The following MGRN1 variants were observed in gnomAD, a reference collection of about 807,000 sequenced individuals.
MGRN1 encodes the protein mahogunin ring finger 1.
A neutral mutation model predicts 69.2 loss-of-function variants in MGRN1; 29 were observed. That is an observed-to-expected ratio of 0.42 (90% confidence interval 0.31 to 0.57). The LOEUF (loss-of-function observed/expected upper bound fraction) is 0.57, where lower values mean the gene tolerates loss of function less well. MGRN1 is among the 20% of genes least tolerant of loss of function. The pLI, the probability that MGRN1 is intolerant of heterozygous loss-of-function variation, is 0.15. For synonymous variants in MGRN1, 470 were observed against 344.2 expected (o/e 1.37, Z -4.04); for missense variants, 998 against 796.2 (o/e 1.25, Z -3.05).
chr16:4,646,868 A>T (rs924830800), intron 1 of MGRN1, among the ~76,000 whole-genome samples: 6 of 152,182 alleles, frequency 3.9e-5, no homozygotes, highest in African/African-American at 1.4e-4. Flanking sequence ...CTTCTGGACC[A>T]GGGACCTGTC....
intron 1 of MGRN1, among the ~76,000 whole-genome samples, chr16:4,643,985 T>TG (rs2078219134): frequency 2.0e-5 from 3 of 151,836 alleles, no homozygotes; most frequent in African/African-American, 7.3e-5. Flanking sequence ...TTTGTTTGTT[T>TG]TTTTTGAGAT....
At chr16:4,647,452 T>C (rs2078297833) in intron 1 of MGRN1, among the ~76,000 whole-genome samples, 1 of 152,244 alleles carries the variant, frequency 6.6e-6, no homozygotes, top group Non-Finnish European at 1.5e-5. Context: ...CTCACTGTAC[T>C]GCAGGTGTTC....
At chr16:4,665,800 C>T (rs986112426) in intron 7 of MGRN1, among the ~76,000 whole-genome samples, 4 of 151,626 alleles carry the variant, frequency 2.6e-5, no homozygotes, top group African/African-American at 9.7e-5. Flanking sequence ...CTCCAAGTAC[C>T]TGGGATTACA....
At chr16:4,684,214 C>T (rs566248292) in intron 16 of MGRN1, among the ~76,000 whole-genome samples, 3 of 152,364 alleles carry the variant, frequency 2.0e-5, no homozygotes, top group South Asian at 2.1e-4. Flanking sequence ...AGGTGAGAGA[C>T]GCGAGAGAGG....
At chr16:4,640,588 G>A (rs2078136380) in intron 1 of MGRN1, 1 of 152,356 alleles carries the variant, frequency 6.6e-6, no homozygotes, top group Non-Finnish European at 1.5e-5. Flanking sequence ...TTCGAGGACT[G>A]CCCTGAGGCC....
chr16:4,683,134 T>G (rs2079226764), intron 14 of MGRN1, 90 bp from the exon 15 acceptor site: 2 of 1,563,018 alleles, frequency 1.3e-6, no homozygotes, highest in Non-Finnish European at 1.8e-6. Flanking sequence ...GGCTGTGCGG[T>G]CCCGGGAGGG....
intron 16 of MGRN1, among the ~76,000 whole-genome samples, chr16:4,685,147 A>G (rs1259714155): frequency 6.6e-6 from 1 of 152,246 alleles, no homozygotes; most frequent in Non-Finnish European, 1.5e-5. Flanking sequence ...TTAAAGTGAC[A>G]CAGAATTCGA....
chr16:4,688,374 C>T (rs896238996), intron 16 of MGRN1: 3 of 1,000,832 alleles, frequency 3.0e-6, no homozygotes, highest in South Asian at 4.6e-5. Context: ...TGTTCTCACC[C>T]AGGGCCGCTC....
Position 4,682,919 on chromosome 16 carries a change from G to C in MGRN1, c.1455G>C (p.Leu485=). 1 of 1,600,042 alleles carries C rather than the reference G, an allele frequency of 6.2e-7. No homozygotes were observed. The highest frequency in any genetic ancestry group is 1.1e-5 in the South Asian group (1 of 90,140). ...CTCCCCCACTGGGTGGCGCAGAGCT[G>C]GCCCTGCGGGAAAGCAGCTCCCCTG... ...DAPPPLGGAE[L]ALRESSSPES... is the part of the protein sequence containing the mutation. The change falls in exon 14 of 17, where the codon CTG becomes CTC. Residue 485 remains leucine, a synonymous_variant. Transcript: ENST00000262370.
chr16:4,629,919 G>T (rs551414173), intron 1 of MGRN1, among the ~76,000 whole-genome samples: 2 of 149,626 alleles, frequency 1.3e-5, no homozygotes, highest in Admixed American at 1.3e-4. Context: ...AATGGCGCAC[G>T]CCCGTAATCC....
At chr16:4,667,689 G>A (rs894404820) in intron 7 of MGRN1, among the ~76,000 whole-genome samples, 22 of 152,222 alleles carry the variant, frequency 1.4e-4, no homozygotes, top group African/African-American at 4.6e-4. Flanking sequence ...CGAGGTCTCC[G>A]ATCTCAAGCC....
At chr16:4,633,497 G>C (rs1898112481) in intron 1 of MGRN1, 2 of 151,168 alleles carry the variant, frequency 1.3e-5, no homozygotes. Context: ...TTTGAGACCA[G>C]ACTGACCAAG....
rs758714515 is a variant in MGRN1, at chr16:4,673,493, G to A, written c.796-5G>A. The A allele has an allele frequency of 2.9e-5, 46 of 1,611,144 alleles. No homozygotes were observed. The highest frequency in any genetic ancestry group is 1.6e-4 in the Middle Eastern group (1 of 6,066). ...CTGCTGACCCACAAGCCCTTGTCCC[G>A]GCAGCCCTCGGACGACGAGAACAGC... On this transcript the variant is annotated splice_region_variant and splice_polypyrimidine_tract_variant and intron_variant, in intron 9 of 16. Transcript: ENST00000262370.
intron 8 of MGRN1, among the ~76,000 whole-genome samples, chr16:4,669,431 C>CCAAAAAAAAAA (rs2078889896): frequency 1.1e-5 from 1 of 93,024 alleles, no homozygotes; most frequent in Non-Finnish European, 2.1e-5. Context: ...AAGACTGTGT[C>CCAAAAAAAAAA]AAAAAAAAAA....
At chr16:4,683,960 G>A (rs2079248877) in intron 16 of MGRN1, 28 bp downstream of exon 16, 10 of 1,435,124 alleles carry the variant, frequency 7.0e-6, no homozygotes, top group Non-Finnish European at 9.6e-6. Context: ...TGGGGGTGAG[G>A]GGCTGGGTGC....
At position 4,681,538 on chromosome 16, in the gene MGRN1, C is replaced by T; in HGVS notation, c.1132-12C>T. On this transcript the variant is annotated splice_polypyrimidine_tract_variant and intron_variant, in intron 12 of 16. Coordinates refer to ENST00000262370, the MANE Select transcript of MGRN1 (RefSeq NM_015246.4). ...CTGGGCATGAGCCCCCTCACGCACC[C>T]TGTCCCTACAGAACTCTGACAGCGT... is the stretch of plus-strand genomic sequence containing the variant. 6.2e-7 allele frequency: 1 copy of T among 1,607,768 alleles called. No homozygotes were observed. Among genetic ancestry groups the T allele is most frequent in the Non-Finnish European group, 8.5e-7 (1 of 1,176,042 alleles).
chr16:4,642,469 T>TGG (rs1238065538), intron 1 of MGRN1, among the ~76,000 whole-genome samples: 1 of 129,042 alleles, frequency 7.7e-6, no homozygotes, highest in African/African-American at 2.8e-5. Flanking sequence ...AGCTAATTTG[T>TGG]GTGTGTGTGT....
intron 1 of MGRN1, among the ~76,000 whole-genome samples, chr16:4,628,418 A>C (rs1897811786): frequency 6.6e-6 from 1 of 151,166 alleles, no homozygotes; most frequent in South Asian, 2.1e-4. Flanking sequence ...GGGACATTGA[A>C]GCAACAACAA....
intron 14 of MGRN1, 77 bp from the exon 15 acceptor site, chr16:4,683,147 G>T (rs561233163): frequency 1.3e-6 from 2 of 1,579,862 alleles, no homozygotes; most frequent in Admixed American, 1.7e-5. Flanking sequence ...CGGGAGGGCC[G>T]TGCCTGATGG....
Sources: gnomAD v4.1 joint callset for allele counts (sites outside exome capture counted in the v4.1 genomes callset) on GRCh38, gnomAD v4.1.1 for gene constraint, MANE v1.5 for transcripts, NCBI Gene and HGNC (gene_info 2026-07-23, HGNC 2026-07-21) for gene names.